Variants in KMT2E observed in about 807,000 individuals in gnomAD.
KMT2E encodes histone reader KMT2E.
KMT2E carries 30 observed loss-of-function variants against 184.6 expected under a neutral mutation model. The observed-to-expected ratio is 0.16, with a 90% CI of 0.12 to 0.22. The LOEUF (loss-of-function observed/expected upper bound fraction) is 0.22. Ranked by LOEUF, KMT2E falls within the 10% of genes least tolerant of loss-of-function variation. The pLI, the probability that KMT2E is intolerant of heterozygous loss-of-function variation, is 1.00. For missense variants in KMT2E, 2,023 were observed against 2,237.4 expected (o/e 0.90, Z 1.93); for synonymous variants, 815 against 776.5 (o/e 1.05, Z -0.82).
chr7:105,020,506 A>T (rs1376882117), intron 1 of KMT2E, among the ~76,000 whole-genome samples: 1 of 152,048 alleles, frequency 6.6e-6, no homozygotes, highest in African/African-American at 2.4e-5. Flanking sequence ...AATTGCTTGG[A>T]CCTGGGAGGC....
chr7:105,046,424 A>G (rs1721508076), intron 3 of KMT2E, among the ~76,000 whole-genome samples: 1 of 152,044 alleles, frequency 6.6e-6, no homozygotes, highest in Non-Finnish European at 1.5e-5. Flanking sequence ...GTTTCATGGT[A>G]TTCCAGTCTA....
Position 105,107,681 on chromosome 7 carries a change from G to C in KMT2E, c.3224G>C (p.Gly1075Ala). The stretch of plus-strand genomic sequence containing the variant: ...TGGGTAAAGAGCCCTGACAGAACAG[G>C]AGTTAACTTCTCAGTGAACTCCAAC... ...SSWVKSPDRT[G>A]VNFSVNSNLR... The change falls in exon 22 of 27, where the codon GGA (glycine) becomes GCA (alanine). Residue 1075 changes from glycine (G) to alanine (A), a missense_variant. Physicochemically the swap from Gly to Ala is moderately conservative, Grantham distance 60. This residue lies in a region of KMT2E where 1,108 missense variants were observed against 1,050.9 expected (regional missense o/e 1.05). Transcript: ENST00000311117. 6.2e-7 allele frequency: 1 copy of C among 1,614,164 alleles called. No individual in the cohort carries two copies. Among genetic ancestry groups the C allele is most frequent in the Non-Finnish European group, 8.5e-7 (1 of 1,180,034 alleles).
At position 105,098,351 on chromosome 7, in the gene KMT2E, T is replaced by C. The variant is rs566682539; in HGVS notation, c.1723-3074T>C. On this transcript the variant is annotated intron_variant, in intron 15 of 26. Transcript: ENST00000311117. The stretch of plus-strand genomic sequence containing the variant: ...AACTCCTGGACTCAAGCAATCCTCC[T>C]GCCTCAGTGTCTGGAGTAGCCAGAA... 2.0e-5 allele frequency among the ~76,000 whole-genome samples: 3 copies of C among 152,090 alleles called. No individual in the cohort carries two copies. The East Asian group carries it at 5.8e-4, about 29-fold the overall frequency.
intron 3 of KMT2E, among the ~76,000 whole-genome samples, chr7:105,047,025 G>A (rs1473013579): frequency 1.3e-5 from 2 of 152,188 alleles, no homozygotes; most frequent in Non-Finnish European, 2.9e-5. Flanking sequence ...AAGGTACATG[G>A]GGTGAAACCT....
rs372538697 is a variant in KMT2E at position 105,102,212 on chromosome 7, G to C, written c.2196+18G>C. The C allele has an allele frequency of 7.7e-6, 12 of 1,550,062 alleles. No individual in the cohort carries two copies. Among genetic ancestry groups the C allele is most frequent in the Non-Finnish European group, 7.8e-6 (9 of 1,158,010 alleles). On this transcript the variant is annotated intron_variant, in intron 17 of 26. Transcript: ENST00000311117. The stretch of plus-strand genomic sequence containing the variant: ...CAAAGAAGGTATGATTCTAATGAAT[G>C]TAAGAACTGTTTTTCTAACAGTTTC...
chr7:105,060,720 G>A (rs1343106860), intron 3 of KMT2E, among the ~76,000 whole-genome samples: 1 of 152,218 alleles, frequency 6.6e-6, no homozygotes. Context: ...ATAGGCATGA[G>A]CCACCACACC....
At chr7:105,043,798 G>A (rs1029297274) in intron 3 of KMT2E, among the ~76,000 whole-genome samples, 4 of 152,118 alleles carry the variant, frequency 2.6e-5, no homozygotes, top group Non-Finnish European at 5.9e-5. Flanking sequence ...GAAATATTAC[G>A]TAAATAATTC....
chr7:105,083,533 C>T (rs142269605), intron 13 of KMT2E, among the ~76,000 whole-genome samples: 1 of 152,282 alleles, frequency 6.6e-6, no homozygotes, highest in African/African-American at 2.4e-5. Flanking sequence ...GTTATACAAC[C>T]AAAAGACTGG....
chr7:105,058,864 A>C (rs1283734482), intron 3 of KMT2E, among the ~76,000 whole-genome samples: 2 of 152,196 alleles, frequency 1.3e-5, no homozygotes, highest in Non-Finnish European at 2.9e-5. Flanking sequence ...GGATAAAGAG[A>C]AAATCTTTTT....
chr7:105,079,056 A>C (rs1458777366), intron 12 of KMT2E, 93 bp downstream of exon 12: 1 of 687,576 alleles, frequency 1.5e-6, no homozygotes, highest in Non-Finnish European at 2.6e-6. Flanking sequence ...CTGACCTAAG[A>C]CACTTTCCAC....
chr7:105,084,488 G>A lies in KMT2E; in HGVS notation c.1358+2691G>A, dbSNP rs183427258. On this transcript the variant is annotated intron_variant, in intron 13 of 26. Coordinates refer to ENST00000311117, the MANE Select transcript of KMT2E (RefSeq NM_182931.3). The stretch of plus-strand genomic sequence containing the variant: ...TAAAAATAAAAAAAATTATCCGGGC[G>A]TGGTGGCGGGCCCCTGTAATCCCAG... Among the ~76,000 whole-genome samples the A allele has an allele frequency of 2.1e-4, 32 of 152,164 alleles. 1 individual carries two copies. In the East Asian group the frequency reaches 3.1e-3, roughly 15 times the overall value.
chr7:105,018,961 A>G (rs1340343152), intron 1 of KMT2E, among the ~76,000 whole-genome samples: 1 of 152,166 alleles, frequency 6.6e-6, no homozygotes, highest in Non-Finnish European at 1.5e-5. Context: ...TAAAATAAAC[A>G]GTATTTTACT....
chr7:105,050,505 C>T (rs986393816), intron 3 of KMT2E, among the ~76,000 whole-genome samples: 1 of 152,094 alleles, frequency 6.6e-6, no homozygotes, highest in African/African-American at 2.4e-5. Flanking sequence ...TCATAATCTT[C>T]CTAAGCTCCA....
Position 105,113,371 on chromosome 7 carries a change from G to T in KMT2E, c.*38G>T, listed in dbSNP as rs1390742106. 2 of 1,572,408 alleles carry T rather than the reference G, an allele frequency of 1.3e-6. No individual in the cohort carries two copies. Among genetic ancestry groups the T allele is most frequent in the Non-Finnish European group, 1.7e-6 (2 of 1,154,864 alleles). On this transcript the variant is annotated 3_prime_UTR_variant, in exon 27 of 27. Transcript: ENST00000311117. Reference sequence around the variant, plus strand: ...AAACATTTTTTTAAATGTTCTGTAAGATAAACTGTATATTTCATATGTACC... The same window carrying T: ...AAACATTTTTTTAAATGTTCTGTAATATAAACTGTATATTTCATATGTACC...
chr7:105,038,011 A>G (rs1404688716), intron 1 of KMT2E, 115 bp from the exon 2 acceptor site: 1 of 152,142 alleles, frequency 6.6e-6, no homozygotes, highest in African/African-American at 2.4e-5. Flanking sequence ...TCCTTTTAAG[A>G]ATTGGCTGCT....
rs1488952160 is a variant in KMT2E at position 105,114,043 on chromosome 7, G to C, written c.*710G>C. ...ACTGTCACACTGAAGCACTGGTTGG[G>C]CATTTTAATTCATGTTAATAAATCA... On this transcript the variant is annotated 3_prime_UTR_variant, in exon 27 of 27. Coordinates refer to ENST00000311117, the MANE Select transcript of KMT2E (RefSeq NM_182931.3). 1 of 152,456 alleles carries C rather than the reference G, an allele frequency of 6.6e-6. No individual in the cohort carries two copies. Among genetic ancestry groups the C allele is most frequent in the Non-Finnish European group, 1.5e-5 (1 of 68,008 alleles). 9.4% of individuals were successfully genotyped at this position (152,456 alleles called of 1,614,324 possible). A position where few individuals can be genotyped will look rare whatever the true frequency, so the allele number is the denominator to read the frequency against.
chr7:105,077,759 A>T, intron 11 of KMT2E: 1 of 224,356 alleles, frequency 4.5e-6, no homozygotes, highest in Admixed American at 5.2e-5. Flanking sequence ...ATTGATTGAG[A>T]TTACAAGGAA....
chr7:105,043,231 C>CT (rs1337229950), intron 3 of KMT2E, among the ~76,000 whole-genome samples: 2 of 149,300 alleles, frequency 1.3e-5, no homozygotes, highest in East Asian at 2.0e-4. Flanking sequence ...ACTTAAATTT[C>CT]TTTTTTTCTT....
rs1400893518 is a variant in KMT2E at position 105,111,836 on chromosome 7, T to C, written c.4080T>C (p.Pro1360=). The C allele has an allele frequency of 6.2e-7, 1 of 1,611,890 alleles. No individual in the cohort carries two copies. The highest frequency in any genetic ancestry group is 8.5e-7 in the Non-Finnish European group (1 of 1,179,012). The change falls in exon 27 of 27, where the codon CCT becomes CCC. Residue 1360 remains proline (P), a synonymous_variant. Transcript: ENST00000311117. Reference sequence around the variant, plus strand: ...TTTTCTCTTCATAGCCTGGTTCACCTGGATCTGTAATTCCTGCTCAAGCAC... The same window carrying C: ...TTTTCTCTTCATAGCCTGGTTCACCCGGATCTGTAATTCCTGCTCAAGCAC... ...SPPKMSKPGS[P]GSVIPAQAHG... is the part of the protein sequence containing the mutation.
Sources: gnomAD v4.1 joint callset for allele counts (sites outside exome capture counted in the v4.1 genomes callset) on GRCh38, gnomAD v4.1.1 for gene constraint, gnomAD v4.1.1 regional missense constraint, MANE v1.5 for transcripts, NCBI Gene and HGNC (gene_info 2026-07-23, HGNC 2026-07-21) for gene names.